The following DUT variants were observed in gnomAD, a reference collection of about 807,000 sequenced individuals.
DUT encodes the protein deoxyuridine 5'-triphosphate nucleotidohydrolase, mitochondrial.
Under a neutral mutation model 28.8 loss-of-function variants are expected in DUT, and 21 were observed. That is an observed-to-expected ratio of 0.73 (90% CI 0.52 to 1.05). The LOEUF is 1.05. Ranked by LOEUF, DUT falls within the 50% of genes least tolerant of loss-of-function variation. DUT has a pLI of 0.00. For missense variants in DUT, 344 were observed against 351.8 expected (o/e 0.98, Z 0.18); for synonymous variants, 147 against 143.7 (o/e 1.02, Z -0.17).
In DUT at chr15:48,334,416, G is replaced by C. The variant is rs2042452837; in HGVS notation, c.420-1G>C. 1 of 1,551,804 alleles carries C rather than the reference G, an allele frequency of 6.4e-7. No individual in the cohort carries two copies. Reference sequence around the variant, plus strand: ...GTTATTTTCTTTCAATATTTTCTTAGTGCCTATGATTACACAATACCACCT... The same window carrying C: ...GTTATTTTCTTTCAATATTTTCTTACTGCCTATGATTACACAATACCACCT... On this transcript the variant is annotated splice_acceptor_variant, in intron 2 of 6. Coordinates refer to ENST00000331200, the MANE Select transcript of DUT (RefSeq NM_001025248.2). LOFTEE classifies it high-confidence loss of function.
At chr15:48,334,779 T>A (rs2042457066) in intron 3 of DUT, among the ~76,000 whole-genome samples, 1 of 152,242 alleles carries the variant, frequency 6.6e-6, no homozygotes, top group South Asian at 2.1e-4. Context: ...TTTTATATTA[T>A]GAGAGTAAAA....
chr15:48,339,815 A>T (rs1018237727), intron 4 of DUT, among the ~76,000 whole-genome samples: 7 of 152,150 alleles, frequency 4.6e-5, no homozygotes, highest in African/African-American at 1.7e-4. Flanking sequence ...ATTCAGATTC[A>T]CTTGTCCCTA....
At position 48,331,544 on chromosome 15, in the gene DUT, T is replaced by A; in HGVS notation, c.29T>A (p.Leu10His). The A allele has an allele frequency of 6.2e-7, 1 of 1,611,402 alleles. No individual in the cohort carries two copies. Among genetic ancestry groups the A allele is most frequent in the Non-Finnish European group, 8.5e-7 (1 of 1,179,356 alleles). The change falls in exon 1 of 7, where the codon CTC becomes CAC. Residue 10 changes from leucine (L) to histidine (H), a missense_variant. Coordinates refer to ENST00000331200, the MANE Select transcript of DUT (RefSeq NM_001025248.2). MTPLCPRPA[L>H]CYHFLTSLLR... Reference sequence around the variant, plus strand: ...ACTCCCCTCTGCCCTCGCCCCGCGCTCTGCTACCATTTCCTTACGTCTCTG... The same window carrying A: ...ACTCCCCTCTGCCCTCGCCCCGCGCACTGCTACCATTTCCTTACGTCTCTG...
chr15:48,335,422 T>C (rs2042464946), intron 3 of DUT, among the ~76,000 whole-genome samples: 1 of 152,210 alleles, frequency 6.6e-6, no homozygotes, highest in Non-Finnish European at 1.5e-5. Flanking sequence ...GTTTTTGGCA[T>C]TTTTACTTAA....
intron 2 of DUT, among the ~76,000 whole-genome samples, 168 bp from the exon 3 acceptor site, chr15:48,334,249 C>T (rs74384317): frequency 0.014 from 2,073 of 152,232 alleles, 51 homozygotes; most frequent in African/African-American, 0.048. Flanking sequence ...TCTTCATAAA[C>T]TTTTAAGATG....
Position 48,331,735 on chromosome 15 carries a change from G to C in DUT, c.220G>C (p.Gly74Arg), listed in dbSNP as rs1566871146. 6.9e-7 allele frequency: 1 copy of C among 1,444,276 alleles called. No individual in the cohort carries two copies. Among genetic ancestry groups the C allele is most frequent in the East Asian group, 2.8e-5 (1 of 35,376 alleles). The allele number at this position is 1,444,276 out of a possible 1,614,324, so 89.5% of individuals were successfully genotyped here. A position where few individuals can be genotyped will look rare whatever the true frequency, so the allele number is the denominator to read the frequency against. ...AGGCTGCCGCGGAGCCAGTACAGTC[G>C]GGGCCGCTGGCTGGAAGGGCGAGCT... ...SQGCRGASTV[G>R]AAGWKGELPK... The change falls in exon 1 of 7, where the codon GGG becomes CGG. Residue 74 changes from glycine to arginine, a missense_variant. Gly to Arg is a moderately radical substitution (Grantham distance 125, BLOSUM62 -2). Coordinates refer to ENST00000331200, the MANE Select transcript of DUT (RefSeq NM_001025248.2).
chr15:48,338,989 T>G (rs926348245), intron 4 of DUT, among the ~76,000 whole-genome samples: 10 of 152,038 alleles, frequency 6.6e-5, no homozygotes, highest in Non-Finnish European at 1.2e-4. Context: ...ATACAAAAAT[T>G]AGCCAGGTGT....
rs202180121 is a variant in DUT, at chr15:48,336,048, C to T, written c.514C>T (p.Pro172Ser). Residue 172 changes from proline to serine, a missense_variant and splice_region_variant, in exon 4 of 7, where the codon CCA becomes TCA. Physicochemically the swap from Pro to Ser is moderately conservative, Grantham distance 74 (BLOSUM62 -1). Transcript: ENST00000331200. ...ATGTCTCCTTTTTTGTTTTTTAGCT[C>T]CACGGTCAGGCTTGGCTGCAAAACA... ...LPSGCYGRVA[P>S]RSGLAAKHFI... 1.2e-6 allele frequency: 2 copies of T among 1,604,208 alleles called. No homozygotes were observed. The highest frequency in any genetic ancestry group is 1.7e-6 in the Non-Finnish European group (2 of 1,177,568).
intron 3 of DUT, among the ~76,000 whole-genome samples, chr15:48,335,001 T>C (rs1276019176): frequency 3.3e-5 from 5 of 152,176 alleles, no homozygotes; most frequent in South Asian, 2.1e-4. Flanking sequence ...TTTGACTAAC[T>C]TCAGAGTAAA....
chr15:48,332,496 A>G, intron 2 of DUT, 90 bp downstream of exon 2: 1 of 1,135,216 alleles, frequency 8.8e-7, no homozygotes, highest in African/African-American at 1.6e-5. Context: ...TCACAGGAAC[A>G]CACTAGCTAT....
At chr15:48,333,822 C>T (rs2042445702) in intron 2 of DUT, among the ~76,000 whole-genome samples, 2 of 152,210 alleles carry the variant, frequency 1.3e-5, no homozygotes, top group Admixed American at 1.3e-4. Flanking sequence ...AGATACAACA[C>T]AGTTCTTTAT....
rs1301824485 is a variant in DUT, at chr15:48,342,787, C to G, written c.*709C>G. ...TTCCCTTGAATTTCATCTCATCAGG[C>G]AAATTGTACTAGTTGTAGTTACGAG... On this transcript the variant is annotated 3_prime_UTR_variant, in exon 7 of 7. Transcript: ENST00000331200. 1 of 152,162 alleles carries G rather than the reference C, an allele frequency of 6.6e-6. No homozygotes were observed. Among genetic ancestry groups the G allele is most frequent in the Non-Finnish European group, 1.5e-5 (1 of 68,026 alleles). 9.4% of individuals were successfully genotyped at this position (152,162 alleles called of 1,614,324 possible). A position where few individuals can be genotyped will look rare whatever the true frequency, so the allele number is the denominator to read the frequency against.
Position 48,331,721 on chromosome 15 carries a change from G to C in DUT, c.206G>C (p.Gly69Ala). ...SAGRLSQGCR[G>A]ASTVGAAGWK... ...GGCCGCCTGAGCCAAGGCTGCCGCG[G>C]AGCCAGTACAGTCGGGGCCGCTGGC... Residue 69 changes from glycine to alanine, a missense_variant, in exon 1 of 7, where the codon GGA becomes GCA. Gly to Ala is a moderately conservative substitution (Grantham distance 60, BLOSUM62 0). Coordinates refer to ENST00000331200, the MANE Select transcript of DUT (RefSeq NM_001025248.2). The C allele has an allele frequency of 6.7e-7, 1 of 1,494,562 alleles. No homozygotes were observed. Among genetic ancestry groups the C allele is most frequent in the Non-Finnish European group, 8.9e-7 (1 of 1,123,484 alleles). 92.6% of individuals were successfully genotyped at this position (1,494,562 alleles called of 1,614,324 possible). A position where few individuals can be genotyped will look rare whatever the true frequency, so the allele number is the denominator to read the frequency against.
upstream of DUT, chr15:48,331,368 C>T (rs902511690): frequency 2.7e-6 from 4 of 1,463,860 alleles, no homozygotes; most frequent in Admixed American, 5.2e-5. Context: ...CCCTGGGCTG[C>T]CGGGGCACCG....
chr15:48,331,448 C>A lies in DUT; in HGVS notation c.-68C>A. The A allele has an allele frequency of 3.8e-6, 6 of 1,591,546 alleles. No individual in the cohort carries two copies. The South Asian group carries it at 6.8e-5, about 18-fold the overall frequency. On this transcript the variant is annotated 5_prime_UTR_variant, in exon 1 of 7. Transcript: ENST00000331200. ...GGTCATGTTCCCAGGACGGGCGCGT[C>A]TTCAGGGTGGAAGCCTGGCGCACGT...
chr15:48,339,300 A>G (rs1290463042), intron 4 of DUT, among the ~76,000 whole-genome samples: 1 of 152,168 alleles, frequency 6.6e-6, no homozygotes, highest in African/African-American at 2.4e-5. Context: ...CTTTTACTTT[A>G]TATGTATTTG....
chr15:48,338,441 A>G (rs2042497051), intron 4 of DUT, among the ~76,000 whole-genome samples: 1 of 152,196 alleles, frequency 6.6e-6, no homozygotes, highest in South Asian at 2.1e-4. Flanking sequence ...TAAAGCCAAC[A>G]AGCAAATATT....
upstream of DUT, chr15:48,331,114 C>T: frequency 6.8e-7 from 1 of 1,463,066 alleles, no homozygotes. Context: ...GTCACCGGCG[C>T]CGAGATGCGG....
In DUT at chr15:48,336,062, G is replaced by C; in HGVS notation, c.528G>C (p.Leu176Phe). 1 of 1,603,840 alleles carries C rather than the reference G, an allele frequency of 6.2e-7. No individual in the cohort carries two copies. Among genetic ancestry groups the C allele is most frequent in the Non-Finnish European group, 8.5e-7 (1 of 1,177,476 alleles). Residue 176 changes from leucine to phenylalanine, a missense_variant, in exon 4 of 7, where the codon TTG becomes TTC. By Grantham distance (22) the Leu-to-Phe change is conservative. Transcript: ENST00000331200. ...GTTTTTTAGCTCCACGGTCAGGCTT[G>C]GCTGCAAAACACTTTATTGATGTAG... ...CYGRVAPRSGLAAKHFIDVGA... is the reference protein window; with the variant it reads ...CYGRVAPRSGFAAKHFIDVGA...
Sources: allele counts gnomAD v4.1 joint callset (sites outside exome capture counted in the v4.1 genomes callset), GRCh38; gene constraint gnomAD v4.1.1; transcripts MANE v1.5; gene names NCBI Gene and HGNC (gene_info 2026-07-23, HGNC 2026-07-21).